MYH7B: variants seen among roughly 807,000 people sequenced by gnomAD.
MYH7B encodes the protein myosin heavy chain 7B.
A neutral mutation model predicts 234.5 loss-of-function variants in MYH7B; 205 were observed. That is an observed-to-expected ratio of 0.87 (90% CI 0.78 to 0.98). The LOEUF (loss-of-function observed/expected upper bound fraction) is 0.98. Among genes scored for constraint, MYH7B ranks in the 50% least tolerant of loss-of-function variants. The pLI, the probability that MYH7B is intolerant of heterozygous loss-of-function variation, is 0.00. For missense variants in MYH7B, 2,652 were observed against 2,633.4 expected (o/e 1.01, Z -0.15); for synonymous variants, 1,193 against 1,105.0 (o/e 1.08, Z -1.58).
chr20:34,989,829 C>T (rs557574685), exon 20 of MYH7B: 24 of 1,614,188 alleles, frequency 1.5e-5, no homozygotes, highest in African/African-American at 8.0e-5. Flanking sequence ...ACGACAACCA[C>T]GCGGGGAAGT....
exon 5 of MYH7B, chr20:34,977,976 C>T: frequency 6.2e-7 from 1 of 1,613,958 alleles, no homozygotes; most frequent in East Asian, 2.2e-5. Context: ...GGGTTTCCAG[C>T]TCCTCCTCCT....
chr20:34,978,238 A>C, intron 5 of MYH7B, 142 bp downstream of exon 5: 1 of 933,520 alleles, frequency 1.1e-6, no homozygotes. Context: ...TTTCCTGCAG[A>C]GTCTGGGGCC....
exon 5 of MYH7B, chr20:34,977,951 CGCCTTG>C: frequency 6.2e-7 from 1 of 1,613,808 alleles, no homozygotes; most frequent in South Asian, 1.1e-5. Context: ...TGCCTTGGGC[CGCCTTG>C]AACCTCCAGG....
At chr20:34,973,156 C>T (rs1016078961) in intron 2 of MYH7B, among the ~76,000 whole-genome samples, 9 of 152,178 alleles carry the variant, frequency 5.9e-5, no homozygotes, top group African/African-American at 1.4e-4. Context: ...AGTCCTGCCC[C>T]GCTCCCCTTT....
exon 24 of MYH7B, chr20:34,991,006 G>T (rs762825990): frequency 6.2e-7 from 1 of 1,611,824 alleles, no homozygotes; most frequent in Non-Finnish European, 8.5e-7. Flanking sequence ...ACGTCCAGGG[G>T]TCATGGATGC....
At chr20:35,000,374 C>T (rs770110816) in exon 39 of MYH7B, 2 of 1,599,184 alleles carry the variant, frequency 1.3e-6, no homozygotes, top group African/African-American at 2.7e-5. Flanking sequence ...CGCTGCGGCT[C>T]AAGAAGAAGA....
chr20:34,959,458 C>T (rs1439245105), intron 2 of MYH7B, among the ~76,000 whole-genome samples: 10 of 150,480 alleles, frequency 6.6e-5, no homozygotes, highest in Admixed American at 6.6e-4. Flanking sequence ...CCACTTTCCT[C>T]ATTTTATTTT....
At chr20:34,977,738 G>GGGGGGGGGGGGGGGGCCCCC in intron 4 of MYH7B, 58 bp downstream of exon 4, 1 of 317,144 alleles carries the variant, frequency 3.2e-6, no homozygotes, top group Non-Finnish European at 5.9e-6. Flanking sequence ...GGGCGGGTGG[G>GGGGGGGGGGGGGGGGCCCCC]TGAGGGTGCC....
intron 2 of MYH7B, among the ~76,000 whole-genome samples, chr20:34,961,541 G>T (rs1036423257): frequency 2.0e-5 from 3 of 152,142 alleles, no homozygotes; most frequent in African/African-American, 7.2e-5. Flanking sequence ...GTGCAATTCA[G>T]TGGTTCTTGG....
rs182236729 is a variant in MYH7B, at chr20:34,994,168, T to C, written c.2467T>C (p.Trp823Arg). The stretch of plus-strand genomic sequence containing the variant: ...TAGGGATGCGCTGTTCACCATCCAG[T>C]GGAACATCCGTGCCTTCAATGCCGT... Residue 823 changes from tryptophan (W) to arginine (R), a missense_variant, in exon 27 of 45, where the codon TGG becomes CGG. Transcript: ENST00000262873. 2,459 of 1,613,356 alleles carry C rather than the reference T, an allele frequency of 1.5e-3. 1 individual carries two copies. The highest frequency in any genetic ancestry group is 2.2e-3 in the Admixed American group (134 of 60,020).
At position 34,988,203 on chromosome 20, in the gene MYH7B, G is replaced by A. The variant is rs2082068322; in HGVS notation, c.1528G>A (p.Asp510Asn). 11 of 1,614,168 alleles carry A rather than the reference G, an allele frequency of 6.8e-6. No homozygotes were observed. Among genetic ancestry groups the A allele is most frequent in the South Asian group, 3.3e-5 (3 of 91,086 alleles). The change falls in exon 19 of 45, where the codon GAC becomes AAC. Residue 510 changes from aspartate (D) to asparagine (N), a missense_variant. By Grantham distance (23) the Asp-to-Asn change is conservative. Transcript: ENST00000262873. ...GGAGGAGTACAAGCGGGAGGGCATCGACTGGGTCTTCATCGACTTCGGCCT... is the reference window on the plus strand; with the variant it reads ...GGAGGAGTACAAGCGGGAGGGCATCAACTGGGTCTTCATCGACTTCGGCCT...
At chr20:34,967,046 T>C (rs2081748825) in intron 2 of MYH7B, among the ~76,000 whole-genome samples, 2 of 151,394 alleles carry the variant, frequency 1.3e-5, no homozygotes, top group South Asian at 4.2e-4. Flanking sequence ...CTAGCCAACA[T>C]AGTGAAACCC....
intron 2 of MYH7B, among the ~76,000 whole-genome samples, chr20:34,965,589 C>T (rs967220155): frequency 3.3e-5 from 5 of 152,182 alleles, no homozygotes; most frequent in African/African-American, 1.2e-4. Context: ...GTGGGGTAGA[C>T]AGATGATAAT....
intron 43 of MYH7B, 79 bp from the exon 44 acceptor site, chr20:35,001,869 C>CCCTT: frequency 6.5e-7 from 1 of 1,547,686 alleles, no homozygotes. Flanking sequence ...GGAGCTAGCT[C>CCCTT]CCTTCTTGGA....
chr20:34,994,208 G>T, exon 27 of MYH7B: 1 of 1,613,436 alleles, frequency 6.2e-7, no homozygotes, highest in Non-Finnish European at 8.5e-7. Context: ...AACTGGTCAT[G>T]GATGAAGCTC....
chr20:34,960,438 T>C (rs1600402088), intron 2 of MYH7B, among the ~76,000 whole-genome samples: 1 of 152,148 alleles, frequency 6.6e-6, no homozygotes, highest in South Asian at 2.1e-4. Context: ...GGTTTCACCG[T>C]GTTAGCCAGG....
intron 13 of MYH7B, 71 bp from the exon 14 acceptor site, chr20:34,986,029 C>G: frequency 7.5e-7 from 1 of 1,334,648 alleles, no homozygotes; most frequent in South Asian, 1.3e-5. Context: ...TCTCTCCCTC[C>G]GCATCGCCCC....
exon 18 of MYH7B, chr20:34,987,834 A>C: frequency 6.2e-7 from 1 of 1,613,900 alleles, no homozygotes; most frequent in Non-Finnish European, 8.5e-7. Context: ...GGTGTCTCGG[A>C]TCAACCAGAC....
exon 18 of MYH7B, chr20:34,987,908 C>T (rs1486218682): frequency 6.3e-7 from 1 of 1,597,280 alleles, no homozygotes; most frequent in South Asian, 1.1e-5. Flanking sequence ...GGTTTGAGAT[C>T]TTTGAGGTGA....
Sources: gnomAD v4.1 joint callset for allele counts (sites outside exome capture counted in the v4.1 genomes callset) on GRCh38, gnomAD v4.1.1 for gene constraint, MANE v1.5 for transcripts, NCBI Gene and HGNC (gene_info 2026-07-23, HGNC 2026-07-21) for gene names.